The following FAM114A2 variants were observed in gnomAD, a reference collection of about 807,000 sequenced individuals.
The protein encoded by FAM114A2 is protein FAM114A2.
Under a neutral mutation model 58.4 loss-of-function variants are expected in FAM114A2, and 53 were observed. The ratio of observed to expected loss-of-function variants is 0.91; its 90% CI spans 0.73 to 1.14. FAM114A2 has a LOEUF of 1.14. FAM114A2 is among the 50% of genes most tolerant of loss of function. The probability of loss-of-function intolerance (pLI) is 0.00; values close to 1 mark genes in which losing one functional copy is unlikely to be tolerated. For synonymous variants in FAM114A2, 228 were observed against 211.4 expected, an observed-to-expected ratio of 1.08 and a Z score of -0.68; for missense variants, 601 against 581.1, an observed-to-expected ratio of 1.03 and a Z score of -0.35.
chr5:153,990,602 G>A lies in FAM114A2; in HGVS notation c.*2374C>T, dbSNP rs1287300644. 3 of 151,746 alleles carry A rather than the reference G, an allele frequency of 2.0e-5. No individual in the cohort carries two copies. The highest frequency in any genetic ancestry group is 6.6e-5 in the Admixed American group (1 of 15,250). The allele number at this position is 151,746 out of a possible 1,614,324, so 9.4% of individuals were successfully genotyped here. ...AAAGGAAAATAAAAATTGTTTCATA[G>A]AGGTTTCTACTTCTTTCAGATCAAA... On this transcript the variant is annotated 3_prime_UTR_variant, in exon 14 of 14. Coordinates refer to ENST00000351797, the MANE Select transcript of FAM114A2 (RefSeq NM_018691.4).
At chr5:154,022,243 A>G (rs1219155641) in intron 8 of FAM114A2, among the ~76,000 whole-genome samples, 2 of 152,208 alleles carry the variant, frequency 1.3e-5, no homozygotes, top group Middle Eastern at 3.2e-3. Flanking sequence ...TTCATGACTA[A>G]AACACCAAAA....
chr5:154,026,322 T>C (rs1191022250), intron 8 of FAM114A2, 77 bp downstream of exon 8: 23 of 1,108,466 alleles, frequency 2.1e-5, no homozygotes, highest in Non-Finnish European at 2.7e-5. Flanking sequence ...TAAGAGTAAA[T>C]AATTTATTTC....
chr5:154,017,155 G>T (rs59630382), intron 8 of FAM114A2, among the ~76,000 whole-genome samples: 23,730 of 152,244 alleles, frequency 0.16, 1,971 homozygotes, highest in South Asian at 0.18. Context: ...CCTAAGACAT[G>T]AGATAGGCTG....
At chr5:154,032,962 G>A (rs1333029221) in intron 4 of FAM114A2, among the ~76,000 whole-genome samples, 2 of 152,150 alleles carry the variant, frequency 1.3e-5, no homozygotes, top group Non-Finnish European at 2.9e-5. Flanking sequence ...TAAGAACAGT[G>A]CCTCCAGTTC....
chr5:154,009,433 T>C (rs1770555686), intron 9 of FAM114A2, among the ~76,000 whole-genome samples: 2 of 152,152 alleles, frequency 1.3e-5, no homozygotes, highest in Admixed American at 1.3e-4. Flanking sequence ...GTCATGACTA[T>C]TCTAGAATGC....
At position 154,038,302 on chromosome 5, in the gene FAM114A2, GAGC is replaced by G. The variant is rs562349860; in HGVS notation, c.-15+552_-15+554del. 7 of 152,234 alleles carry G rather than the reference GAGC, an allele frequency of 4.6e-5. No individual in the cohort carries two copies. The South Asian group carries it at 1.5e-3, about 32-fold the overall frequency. The allele number at this position is 152,234 out of a possible 1,614,324, so 9.4% of individuals were successfully genotyped here. A position where few individuals can be genotyped will look rare whatever the true frequency, so the allele number is the denominator to read the frequency against. ...CACCCGCCCCATTTACCAAAATGAA[GAGC>G]AGTACAGCTTAGTAGCTAAGAGCAC... On this transcript the variant is annotated intron_variant, in intron 1 of 13. Transcript: ENST00000351797.
Position 153,991,647 on chromosome 5 carries a change from T to C in FAM114A2, c.*1329A>G, listed in dbSNP as rs147308831. 1.9e-3 allele frequency: 289 copies of C among 151,968 alleles called. No individual in the cohort carries two copies. Among genetic ancestry groups the C allele is most frequent in the African/African-American group, 6.8e-3 (282 of 41,448 alleles). The allele number at this position is 151,968 out of a possible 1,614,324, so 9.4% of individuals were successfully genotyped here. On this transcript the variant is annotated 3_prime_UTR_variant, in exon 14 of 14. Coordinates refer to ENST00000351797, the MANE Select transcript of FAM114A2 (RefSeq NM_018691.4). The stretch of plus-strand genomic sequence containing the variant: ...GACTCCTGCCCCAAAGAAGATTACG[T>C]AGAAACAGTCTTTATACTAATCTAT...
intron 12 of FAM114A2, among the ~76,000 whole-genome samples, chr5:153,996,991 T>TAAAAAAAAAAAAAAAAAAAAAAAAAAA (rs57110256): frequency 1.6e-5 from 2 of 121,300 alleles, no homozygotes; most frequent in Admixed American, 8.4e-5. Context: ...GAGCAAAACT[T>TAAAAAAAAAAAAAAAAAAAAAAAAAAA]AAAAAAAAAA....
At chr5:154,001,009 G>C (rs991244470) in intron 11 of FAM114A2, among the ~76,000 whole-genome samples, 5 of 152,112 alleles carry the variant, frequency 3.3e-5, no homozygotes, top group Admixed American at 2.6e-4. Context: ...AAAAGTAAGT[G>C]ATTAGTCCAT....
Position 154,002,899 on chromosome 5 carries a change from TCTC to T in FAM114A2, c.1061_1063del (p.Gly354del). On this transcript the variant is annotated inframe_deletion, in exon 10 of 14. Coordinates refer to ENST00000351797, the MANE Select transcript of FAM114A2 (RefSeq NM_018691.4). ...AGTATTTTCTGCTTCCGACTGTTTTTCTCCTTCTTCATTCTCTGCTAATGGCTT... is the reference window on the plus strand; with the variant it reads ...AGTATTTTCTGCTTCCGACTGTTTTTCTTCTTCATTCTCTGCTAATGGCTT... The T allele has an allele frequency of 1.2e-6, 2 of 1,614,098 alleles. No homozygotes were observed. Among genetic ancestry groups the T allele is most frequent in the Non-Finnish European group, 8.5e-7 (1 of 1,179,940 alleles).
chr5:154,023,195 T>TTGA (rs1463447042), intron 8 of FAM114A2, among the ~76,000 whole-genome samples: 17 of 151,920 alleles, frequency 1.1e-4, no homozygotes, highest in Admixed American at 9.8e-4. Context: ...AAATGATGAG[T>TTGA]TGATGGGTGC....
intron 8 of FAM114A2, among the ~76,000 whole-genome samples, chr5:154,022,232 C>A (rs570392693): frequency 6.6e-6 from 1 of 152,266 alleles, no homozygotes; most frequent in East Asian, 1.9e-4. Flanking sequence ...TGGGCAAGGA[C>A]TTCATGACTA....
intron 9 of FAM114A2, among the ~76,000 whole-genome samples, chr5:154,008,139 T>C (rs554563205): frequency 5.9e-5 from 9 of 152,302 alleles, no homozygotes; most frequent in African/African-American, 1.9e-4. Context: ...ATATAGTATG[T>C]TGACTTTTCC....
intron 2 of FAM114A2, 42 bp from the exon 3 acceptor site, chr5:154,034,419 T>A (rs1156413137): frequency 7.9e-7 from 1 of 1,272,276 alleles, no homozygotes; most frequent in Admixed American, 2.2e-5. Flanking sequence ...CAAAGAAAAA[T>A]GAAAAAATTA....
intron 10 of FAM114A2, 41 bp from the exon 11 acceptor site, chr5:154,002,431 T>C (rs778482580): frequency 6.2e-7 from 1 of 1,602,002 alleles, no homozygotes; most frequent in African/African-American, 1.3e-5. Flanking sequence ...AAACAAAACA[T>C]TTGGTGGAAA....
At chr5:154,022,635 A>G (rs1185708912) in intron 8 of FAM114A2, among the ~76,000 whole-genome samples, 1 of 152,226 alleles carries the variant, frequency 6.6e-6, no homozygotes, top group Non-Finnish European at 1.5e-5. Context: ...GTCAGGACAC[A>G]ACAGGTGCTG....
chr5:154,024,254 A>G (rs1276929304), intron 8 of FAM114A2, among the ~76,000 whole-genome samples: 1 of 152,196 alleles, frequency 6.6e-6, no homozygotes, highest in Non-Finnish European at 1.5e-5. Context: ...TTCTGAGAAC[A>G]TTAAAGAGCT....
intron 11 of FAM114A2, among the ~76,000 whole-genome samples, chr5:154,000,232 T>C (rs1233318637): frequency 2.6e-5 from 4 of 152,112 alleles, no homozygotes; most frequent in Admixed American, 2.6e-4. Context: ...TGAAGAGAAG[T>C]TGGTTAATGA....
At chr5:154,009,234 G>A (rs1187404730) in intron 9 of FAM114A2, among the ~76,000 whole-genome samples, 1 of 152,132 alleles carries the variant, frequency 6.6e-6, no homozygotes. Context: ...ATCTTGTTAT[G>A]CCAGAAAATA....
Sources: allele counts gnomAD v4.1 joint callset (sites outside exome capture counted in the v4.1 genomes callset), GRCh38; gene constraint gnomAD v4.1.1; transcripts MANE v1.5; gene names NCBI Gene and HGNC (gene_info 2026-07-23, HGNC 2026-07-21).